The following NFKBIL1 variants were observed in gnomAD, a reference collection of about 807,000 sequenced individuals.
The protein encoded by NFKBIL1 is NF-kappa-B inhibitor-like protein 1.
Under a neutral mutation model 45.4 loss-of-function variants are expected in NFKBIL1, and 30 were observed. The ratio of observed to expected loss-of-function variants is 0.66; its 90% CI spans 0.49 to 0.90. The LOEUF (loss-of-function observed/expected upper bound fraction) is 0.90, where lower values mean the gene tolerates loss of function less well. NFKBIL1 is among the 40% of genes least tolerant of loss of function. The pLI is 0.00. For missense variants in NFKBIL1, 434 were observed against 513.4 expected (o/e 0.85, Z 1.49); for synonymous variants, 179 against 197.3 (o/e 0.91, Z 0.78).
chr6:31,557,598 A>G lies in NFKBIL1; in HGVS notation c.335-30A>G, dbSNP rs1562455748. On this transcript the variant is annotated intron_variant, in intron 2 of 3. Coordinates refer to ENST00000376148, the MANE Select transcript of NFKBIL1 (RefSeq NM_005007.4). This position sits in a 1 kb window ranked among gnomAD's most constrained non-coding sequence, Gnocchi z 5.4. ...CTGCCGAGGAGTGGGAGTCCCAGCT[A>G]ACTTCTGCTCCCTGCTCTCCCACCA... is the stretch of plus-strand genomic sequence containing the variant. 2 of 1,467,228 alleles carry G rather than the reference A, an allele frequency of 1.4e-6. No homozygotes were observed. The highest frequency in any genetic ancestry group is 1.4e-5 in the African/African-American group (1 of 70,618). 90.9% of individuals were successfully genotyped at this position (1,467,228 alleles called of 1,614,324 possible).
intron 2 of NFKBIL1, among the ~76,000 whole-genome samples, chr6:31,554,875 A>G (rs1166216589): frequency 6.6e-6 from 1 of 152,248 alleles, no homozygotes; most frequent in Non-Finnish European, 1.5e-5. Context: ...ACACAGTGGA[A>G]CACTAATTAT....
intron 2 of NFKBIL1, among the ~76,000 whole-genome samples, chr6:31,549,378 A>G (rs1769301867): frequency 6.6e-6 from 1 of 151,430 alleles, no homozygotes; most frequent in Non-Finnish European, 1.5e-5. Context: ...CAGCCTCCCA[A>G]GTAGCTAGGA....
intron 2 of NFKBIL1, among the ~76,000 whole-genome samples, chr6:31,553,071 T>C (rs1769528165): frequency 7.0e-6 from 1 of 143,472 alleles, no homozygotes; most frequent in Admixed American, 7.2e-5. Context: ...AGACAGAGTC[T>C]CGCTGTGTCA....
At chr6:31,550,063 T>A (rs1187828935) in intron 2 of NFKBIL1, among the ~76,000 whole-genome samples, 1 of 152,094 alleles carries the variant, frequency 6.6e-6, no homozygotes, top group African/African-American at 2.4e-5. Context: ...TAGCCAGGCA[T>A]GGTGGCACAC....
intron 2 of NFKBIL1, among the ~76,000 whole-genome samples, chr6:31,551,112 T>C (rs1255493780): frequency 6.6e-6 from 1 of 152,196 alleles, no homozygotes; most frequent in Non-Finnish European, 1.5e-5. Flanking sequence ...CTGCAGCCTC[T>C]ACCTCGTGGG....
At position 31,558,004 on chromosome 6, in the gene NFKBIL1, TCCC is replaced by T; in HGVS notation, c.557-17_557-15del. On this transcript the variant is annotated splice_polypyrimidine_tract_variant and intron_variant, in intron 3 of 3. Coordinates refer to ENST00000376148, the MANE Select transcript of NFKBIL1 (RefSeq NM_005007.4). This position sits in a 1 kb window ranked among gnomAD's most constrained non-coding sequence, Gnocchi z 7.2. ...CACAGCCTCTCTCCAACTACCCCCA[TCCC>T]ACCCTCCCAAACAGGTGATGCCTCC... 1.6e-6 allele frequency: 1 copy of T among 624,970 alleles called. No individual in the cohort carries two copies. Among genetic ancestry groups the T allele is most frequent in the Non-Finnish European group, 2.8e-6 (1 of 363,282 alleles). The allele number at this position is 624,970 out of a possible 1,614,324, so 38.7% of individuals were successfully genotyped here. A position where few individuals can be genotyped will look rare whatever the true frequency, so the allele number is the denominator to read the frequency against.
chr6:31,558,298 G>T lies in NFKBIL1; in HGVS notation c.833G>T (p.Arg278Met). 1 of 1,582,172 alleles carries T rather than the reference G, an allele frequency of 6.3e-7. No individual in the cohort carries two copies. The highest frequency in any genetic ancestry group is 2.3e-5 in the East Asian group (1 of 44,046). ...GGGGACCGAGAACCCAAGCCAACCA[G>T]GGCCGGGCCCAGGGAAGAGCACCCC... ...ALGDREPKPT[R>M]AGPREEHPRG... The change falls in exon 4 of 4, where the codon AGG becomes ATG. Residue 278 changes from arginine (R) to methionine (M), a missense_variant. Around this residue, in one of 4 missense-constraint regions of NFKBIL1, gnomAD observed 128 missense variants for 106.5 expected, o/e 1.20. Transcript: ENST00000376148. The surrounding 1 kb of genome is among the most constrained non-coding windows in gnomAD (Gnocchi z 7.2).
At chr6:31,555,242 T>C (rs1769654112) in intron 2 of NFKBIL1, among the ~76,000 whole-genome samples, 3 of 144,250 alleles carry the variant, frequency 2.1e-5, no homozygotes, top group South Asian at 2.5e-4. Context: ...TTTCTTTTTT[T>C]TTTTTTTTTT....
upstream of NFKBIL1, chr6:31,546,902 C>A: frequency 3.1e-6 from 1 of 321,880 alleles, no homozygotes. This position sits in a 1 kb window ranked among gnomAD's most constrained non-coding sequence, Gnocchi z 4.1. Flanking sequence ...CGGGGGAGTA[C>A]TGAGGTGAGA....
At chr6:31,547,540 A>C, upstream of NFKBIL1, 1 of 497,828 alleles carries the variant, frequency 2.0e-6, no homozygotes. Context: ...AACGCCCCTC[A>C]CAGTTCACTT....
chr6:31,557,647 C>T lies in NFKBIL1; in HGVS notation c.354C>T (p.Leu118=). 2 of 1,539,672 alleles carry T rather than the reference C, an allele frequency of 1.3e-6. No homozygotes were observed. Among genetic ancestry groups the T allele is most frequent in the Non-Finnish European group, 1.8e-6 (2 of 1,137,976 alleles). ...QGPDAYTDFF[L]PLLSRCPSAM... is the part of the protein sequence containing the mutation. ...CAACAGCCTACACCGATTTCTTCCT[C>T]CCGCTGCTAAGCCGCTGTCCCTCCG... is the stretch of plus-strand genomic sequence containing the variant. The change falls in exon 3 of 4, where the codon CTC becomes CTT. Residue 118 remains leucine, a synonymous_variant. Coordinates refer to ENST00000376148, the MANE Select transcript of NFKBIL1 (RefSeq NM_005007.4). This position sits in a 1 kb window ranked among gnomAD's most constrained non-coding sequence, Gnocchi z 5.4.
At chr6:31,554,445 T>C (rs991236902) in intron 2 of NFKBIL1, among the ~76,000 whole-genome samples, 1 of 151,904 alleles carries the variant, frequency 6.6e-6, no homozygotes, top group Admixed American at 6.6e-5. Context: ...TAAAGATAGA[T>C]AGAAGAAAAT....
In NFKBIL1 at chr6:31,548,169, A is replaced by G. The variant is rs1769199537; in HGVS notation, c.64A>G (p.Ser22Gly). Residue 22 changes from serine (S) to glycine (G), a missense_variant, in exon 2 of 4, where the codon AGT becomes GGT. By Grantham distance (56) the Ser-to-Gly change is moderately conservative. Transcript: ENST00000376148. The stretch of plus-strand genomic sequence containing the variant: ...GCCTTTTTTCCTTCCCCAGCCCAAG[A>G]GTTCCATGGCCTCCACTTCCCGCCG... ...EASTSVCRPK[S>G]SMASTSRRQR... 1 of 1,612,992 alleles carries G rather than the reference A, an allele frequency of 6.2e-7. No individual in the cohort carries two copies. The highest frequency in any genetic ancestry group is 1.7e-5 in the Admixed American group (1 of 60,004).
chr6:31,557,849 G>A lies in NFKBIL1; in HGVS notation c.556G>A (p.Gly186Ser), dbSNP rs1177814272. ...GCAGGAAGTCATGGGGAGGTTTGAA[G>A]GTGAGAAGTCCACTGCTATCCACAG... ...EWQEVMGRFE[G>S]DASHETQEPE... The change falls in exon 3 of 4, where the codon GGT becomes AGT. Residue 186 changes from glycine to serine, a missense_variant and splice_region_variant. Physicochemically the swap from Gly to Ser is moderately conservative, Grantham distance 56 (BLOSUM62 0). Transcript: ENST00000376148. The surrounding 1 kb of genome is among the most constrained non-coding windows in gnomAD (Gnocchi z 5.4). The A allele has an allele frequency of 3.2e-6, 5 of 1,587,272 alleles. No homozygotes were observed. The Admixed American group carries it at 7.0e-5, about 22-fold the overall frequency.
At position 31,557,872 on chromosome 6, in the gene NFKBIL1, C is replaced by T. The variant is rs1769839433; in HGVS notation, c.556+23C>T. 2 of 1,559,478 alleles carry T rather than the reference C, an allele frequency of 1.3e-6. No individual in the cohort carries two copies. The highest frequency in any genetic ancestry group is 2.4e-5 in the South Asian group (2 of 84,368). ...AAGGTGAGAAGTCCACTGCTATCCA[C>T]AGCTGCCCTTCCCCACTGGCTGCTT... On this transcript the variant is annotated intron_variant, in intron 3 of 3. Coordinates refer to ENST00000376148, the MANE Select transcript of NFKBIL1 (RefSeq NM_005007.4). The surrounding 1 kb of genome is among the most constrained non-coding windows in gnomAD (Gnocchi z 5.4).
At chr6:31,556,365 C>T (rs913995319) in intron 2 of NFKBIL1, among the ~76,000 whole-genome samples, 2 of 152,188 alleles carry the variant, frequency 1.3e-5, no homozygotes, top group Non-Finnish European at 2.9e-5. Flanking sequence ...CAGTACTTTC[C>T]AGCACTACCA....
chr6:31,557,726 G>A lies in NFKBIL1; in HGVS notation c.433G>A (p.Gly145Arg). ...GACCCCTGGCCAAATTTTGGGCTGG[G>A]GACCCCCCTGGGATTCTGCTGAAGA... The part of the protein sequence containing the change: ...GETPGQILGW[G>R]PPWDSAEEEE... Residue 145 changes from glycine to arginine, a missense_variant, in exon 3 of 4, where the codon GGA becomes AGA. Gly to Arg is a moderately radical substitution (Grantham distance 125, BLOSUM62 -2). Around this residue, in one of 4 missense-constraint regions of NFKBIL1, gnomAD observed 231 missense variants for 264.1 expected, o/e 0.87. Transcript: ENST00000376148. This position sits in a 1 kb window ranked among gnomAD's most constrained non-coding sequence, Gnocchi z 5.4. 3 of 1,610,128 alleles carry A rather than the reference G, an allele frequency of 1.9e-6. No individual in the cohort carries two copies. The highest frequency in any genetic ancestry group is 2.5e-6 in the Non-Finnish European group (3 of 1,177,612).
At position 31,548,176 on chromosome 6, in the gene NFKBIL1, T is replaced by A; in HGVS notation, c.71T>A (p.Met24Lys). The A allele has an allele frequency of 6.2e-7, 1 of 1,613,136 alleles. No homozygotes were observed. Among genetic ancestry groups the A allele is most frequent in the Non-Finnish European group, 8.5e-7 (1 of 1,180,044 alleles). ...TTCCTTCCCCAGCCCAAGAGTTCCATGGCCTCCACTTCCCGCCGCCAACGC... is the reference window on the plus strand; with the variant it reads ...TTCCTTCCCCAGCCCAAGAGTTCCAAGGCCTCCACTTCCCGCCGCCAACGC... ...STSVCRPKSS[M>K]ASTSRRQRRE... The change falls in exon 2 of 4, where the codon ATG becomes AAG. Residue 24 changes from methionine (M) to lysine (K), a missense_variant. Met to Lys is a moderately conservative substitution (Grantham distance 95). Around this residue, in one of 4 missense-constraint regions of NFKBIL1, gnomAD observed 231 missense variants for 264.1 expected, o/e 0.87. Coordinates refer to ENST00000376148, the MANE Select transcript of NFKBIL1 (RefSeq NM_005007.4).
upstream of NFKBIL1, chr6:31,546,901 A>T: frequency 6.2e-6 from 2 of 324,630 alleles, no homozygotes; most frequent in Non-Finnish European, 1.1e-5. This position sits in a 1 kb window ranked among gnomAD's most constrained non-coding sequence, Gnocchi z 4.1. Context: ...ACGGGGGAGT[A>T]CTGAGGTGAG....
Sources: gnomAD v4.1 joint callset for allele counts (sites outside exome capture counted in the v4.1 genomes callset) on GRCh38, gnomAD v4.1.1 for gene constraint, gnomAD v4.1.1 regional missense constraint, Gnocchi (gnomAD v3.1) non-coding constraint, MANE v1.5 for transcripts, NCBI Gene and HGNC (gene_info 2026-07-23, HGNC 2026-07-21) for gene names.